Variants in ITCH observed in about 807,000 individuals in gnomAD.
ITCH encodes E3 ubiquitin-protein ligase Itchy homolog.
Under a neutral mutation model 126.8 loss-of-function variants are expected in ITCH, and 28 were observed. That is an observed-to-expected ratio of 0.22 (90% CI 0.16 to 0.30). ITCH has a LOEUF of 0.30. Ranked by LOEUF, ITCH falls within the 10% of genes least tolerant of loss-of-function variation. The probability of loss-of-function intolerance (pLI) is 1.00; values close to 1 mark genes in which losing one functional copy is unlikely to be tolerated. For synonymous variants in ITCH, 342 were observed against 340.0 expected (o/e 1.01, Z -0.06); for missense variants, 631 against 1,032.4 (o/e 0.61, Z 5.33).
chr20:34,377,414 A>G (rs368173132), intron 2 of ITCH, among the ~76,000 whole-genome samples: 43 of 151,908 alleles, frequency 2.8e-4, no homozygotes, highest in South Asian at 1.0e-3. Context: ...TGCTCATCAC[A>G]TTTCTTGTTT....
intron 16 of ITCH, among the ~76,000 whole-genome samples, chr20:34,472,056 A>AT (rs1453470998): frequency 2.6e-5 from 4 of 152,078 alleles, no homozygotes; most frequent in Admixed American, 6.6e-5. Flanking sequence ...TAGTCAGCAG[A>AT]TTTTTTCACT....
At chr20:34,367,965 T>C (rs1394395248) in intron 1 of ITCH, among the ~76,000 whole-genome samples, 2 of 152,148 alleles carry the variant, frequency 1.3e-5, no homozygotes, top group African/African-American at 4.8e-5. Flanking sequence ...TTATATTCAT[T>C]CTGTCTTAAG....
At chr20:34,414,131 G>C (rs535619118) in intron 6 of ITCH, among the ~76,000 whole-genome samples, 5 of 146,502 alleles carry the variant, frequency 3.4e-5, no homozygotes, top group African/African-American at 1.3e-4. Flanking sequence ...GACAGAGTGA[G>C]ACCTTGTTTC....
intron 11 of ITCH, among the ~76,000 whole-genome samples, chr20:34,446,736 G>T (rs1045419054): frequency 6.6e-6 from 1 of 151,968 alleles, no homozygotes; most frequent in Non-Finnish European, 1.5e-5. Flanking sequence ...TAGCTTGCCT[G>T]CCTTCTTTAA....
chr20:34,464,322 C>CTTTTT (rs1440765809), intron 14 of ITCH, among the ~76,000 whole-genome samples: 2 of 128,758 alleles, frequency 1.6e-5, no homozygotes, highest in Non-Finnish European at 1.7e-5. Flanking sequence ...TTCTTTCTTT[C>CTTTTT]TTTTTTTTTT....
At chr20:34,380,567 C>A (rs1229666555) in intron 2 of ITCH, among the ~76,000 whole-genome samples, 1 of 145,582 alleles carries the variant, frequency 6.9e-6, no homozygotes, top group African/African-American at 2.5e-5. Flanking sequence ...ATTTTATCTC[C>A]TAGCCTATTG....
intron 20 of ITCH, among the ~76,000 whole-genome samples, chr20:34,487,018 T>G (rs1349903827): frequency 2.8e-5 from 4 of 143,072 alleles, no homozygotes; most frequent in Non-Finnish European, 6.1e-5. Flanking sequence ...TTAGGTTTTT[T>G]TTTTTTTTTT....
intron 20 of ITCH, among the ~76,000 whole-genome samples, chr20:34,486,021 G>GT (rs922643964): frequency 4.3e-4 from 65 of 151,680 alleles, no homozygotes; most frequent in East Asian, 4.3e-3. Flanking sequence ...ATTTTTTGTT[G>GT]TTTTTTTTGA....
In ITCH at chr20:34,424,512, A is replaced by G; in HGVS notation, c.508A>G (p.Lys170Glu). Residue 170 changes from lysine (K) to glutamate (E), a missense_variant, in exon 7 of 25, where the codon AAG becomes GAG. By Grantham distance (56) the Lys-to-Glu change is moderately conservative. Around this residue, in one of 4 missense-constraint regions of ITCH, gnomAD observed 220 missense variants for 265.7 expected, o/e 0.83. Coordinates refer to ENST00000374864, the MANE Select transcript of ITCH (RefSeq NM_031483.7). Reference sequence around the variant, plus strand: ...TCAGAATGATGATGGCTCCAGATCCAAGGATGAAACAAGGTAAGCATTCAC... The same window carrying G: ...TCAGAATGATGATGGCTCCAGATCCGAGGATGAAACAAGGTAAGCATTCAC... ...ASQNDDGSRS[K>E]DETRVSTNGS... 1 of 1,613,400 alleles carries G rather than the reference A, an allele frequency of 6.2e-7. No individual in the cohort carries two copies. The highest frequency in any genetic ancestry group is 8.5e-7 in the Non-Finnish European group (1 of 1,179,372).
intron 3 of ITCH, among the ~76,000 whole-genome samples, chr20:34,397,751 C>CA (rs1157234548): frequency 6.6e-6 from 1 of 152,030 alleles, no homozygotes; most frequent in Non-Finnish European, 1.5e-5. Flanking sequence ...CCCTCATCCT[C>CA]AATCTAGCTT....
intron 22 of ITCH, among the ~76,000 whole-genome samples, chr20:34,490,441 C>G (rs879839708): frequency 6.6e-6 from 1 of 152,068 alleles, no homozygotes; most frequent in Non-Finnish European, 1.5e-5. Context: ...GAGGCTGAGG[C>G]GGGTGGATCA....
chr20:34,443,048 G>C (rs1983968571), intron 10 of ITCH, among the ~76,000 whole-genome samples: 1 of 151,716 alleles, frequency 6.6e-6, no homozygotes, highest in Non-Finnish European at 1.5e-5. Flanking sequence ...TGTAGTTTAA[G>C]TATTAGTTTC....
Position 34,424,491 on chromosome 20 carries a change from AATG to A in ITCH, c.494_496del (p.Asp165del), listed in dbSNP as rs1291921127. 8 of 1,613,464 alleles carry A rather than the reference AATG, an allele frequency of 5.0e-6. No individual in the cohort carries two copies. Among genetic ancestry groups the A allele is most frequent in the Non-Finnish European group, 6.8e-6 (8 of 1,179,412 alleles). Reference sequence around the variant, plus strand: ...CTTTGATGTTAAAGGTGCTTCTCAGAATGATGATGGCTCCAGATCCAAGGATGA... The same window carrying A: ...CTTTGATGTTAAAGGTGCTTCTCAGAATGATGGCTCCAGATCCAAGGATGA... On this transcript the variant is annotated inframe_deletion, in exon 7 of 25. Coordinates refer to ENST00000374864, the MANE Select transcript of ITCH (RefSeq NM_031483.7).
chr20:34,438,313 A>G (rs1380133733), intron 7 of ITCH, among the ~76,000 whole-genome samples, 161 bp from the exon 8 acceptor site: 1 of 152,190 alleles, frequency 6.6e-6, no homozygotes, highest in Non-Finnish European at 1.5e-5. Context: ...ATTCTACCCA[A>G]AGGCTCTTTA....
intron 7 of ITCH, among the ~76,000 whole-genome samples, chr20:34,425,526 T>G (rs1280841929): frequency 6.6e-6 from 1 of 152,042 alleles, no homozygotes; most frequent in African/African-American, 2.4e-5. Context: ...AATGTCGGGG[T>G]GTAAAGCCAA....
At chr20:34,369,811 G>A (rs2037551832) in intron 2 of ITCH, among the ~76,000 whole-genome samples, 1 of 152,060 alleles carries the variant, frequency 6.6e-6, no homozygotes, top group Non-Finnish European at 1.5e-5. Context: ...TAATGAAAAA[G>A]AAGACAACAT....
chr20:34,383,051 A>T (rs954009725), intron 2 of ITCH, among the ~76,000 whole-genome samples: 1 of 150,226 alleles, frequency 6.7e-6, no homozygotes, highest in East Asian at 2.0e-4. Context: ...CCTTTTTTAA[A>T]TTTTTTTTCA....
At chr20:34,493,263 G>A (rs1334345866) in intron 23 of ITCH, among the ~76,000 whole-genome samples, 2 of 152,152 alleles carry the variant, frequency 1.3e-5, no homozygotes, top group African/African-American at 4.8e-5. Context: ...TTAGAACTAA[G>A]CAGGTAATTT....
chr20:34,492,296 C>T (rs550673809), intron 22 of ITCH, among the ~76,000 whole-genome samples: 162 of 152,106 alleles, frequency 1.1e-3, no homozygotes, highest in Non-Finnish European at 2.1e-3. Context: ...CTCTGGAGGC[C>T]GAGGCAGGAG....
Sources: gnomAD v4.1 joint callset for allele counts (sites outside exome capture counted in the v4.1 genomes callset) on GRCh38, gnomAD v4.1.1 for gene constraint, gnomAD v4.1.1 regional missense constraint, MANE v1.5 for transcripts, NCBI Gene and HGNC (gene_info 2026-07-23, HGNC 2026-07-21) for gene names.